The following KCNIP1 variants were observed in gnomAD, a reference collection of about 807,000 sequenced individuals.
KCNIP1 encodes the protein A-type potassium channel modulatory protein KCNIP1.
A neutral mutation model predicts 33.0 loss-of-function variants in KCNIP1; 18 were observed. The ratio of observed to expected loss-of-function variants is 0.55; its 90% CI spans 0.38 to 0.81. The LOEUF (loss-of-function observed/expected upper bound fraction) is 0.81. Ranked by LOEUF, KCNIP1 falls within the 30% of genes least tolerant of loss-of-function variation. The pLI, the probability that KCNIP1 is intolerant of heterozygous loss-of-function variation, is 0.00. For synonymous variants in KCNIP1, 93 were observed against 98.3 expected (o/e 0.95, Z 0.32); for missense variants, 238 against 271.6 (o/e 0.88, Z 0.87).
chr5:170,641,529 G>A (rs936166995), intron 1 of KCNIP1, among the ~76,000 whole-genome samples: 7 of 152,338 alleles, frequency 4.6e-5, no homozygotes, highest in East Asian at 1.9e-4. Flanking sequence ...AGCAAAAGCC[G>A]CCACAGTAAG....
chr5:170,479,668 T>C (rs1042247861), intron 1 of KCNIP1, among the ~76,000 whole-genome samples: 1 of 152,184 alleles, frequency 6.6e-6, no homozygotes, highest in African/African-American at 2.4e-5. Context: ...ATAAGGGTAA[T>C]ACCGAGTTGT....
intron 1 of KCNIP1, among the ~76,000 whole-genome samples, chr5:170,707,260 A>C (rs1269824834): frequency 6.6e-6 from 1 of 152,116 alleles, no homozygotes; most frequent in Non-Finnish European, 1.5e-5. Context: ...GAGCTGCTGC[A>C]ATGAAACTGA....
intron 1 of KCNIP1, among the ~76,000 whole-genome samples, chr5:170,384,306 G>A (rs1481958365): frequency 6.6e-6 from 1 of 152,246 alleles, no homozygotes; most frequent in African/African-American, 2.4e-5. Flanking sequence ...GAAAGGTCAA[G>A]TGACTTTGCT....
chr5:170,702,894 G>A (rs948006554), intron 1 of KCNIP1, among the ~76,000 whole-genome samples: 1 of 150,210 alleles, frequency 6.7e-6, no homozygotes, highest in Non-Finnish European at 1.5e-5. Flanking sequence ...TCTGCAAATA[G>A]GCAGTGCTCA....
At chr5:170,515,972 A>G (rs1755104979) in intron 1 of KCNIP1, among the ~76,000 whole-genome samples, 1 of 152,216 alleles carries the variant, frequency 6.6e-6, no homozygotes, top group Admixed American at 6.5e-5. Flanking sequence ...AGGATAAGCA[A>G]AGTCACAGAG....
intron 1 of KCNIP1, among the ~76,000 whole-genome samples, chr5:170,401,311 G>C (rs992600473): frequency 3.3e-5 from 5 of 152,110 alleles, no homozygotes; most frequent in Non-Finnish European, 5.9e-5. Context: ...TAATAAGATT[G>C]CTCCTGCAAA....
At chr5:170,679,397 C>T (rs71605771) in intron 1 of KCNIP1, 25,020 of 152,172 alleles carry the variant, frequency 0.16, 2,161 homozygotes, top group South Asian at 0.2. Flanking sequence ...AAGATTTTCC[C>T]GAGTCTCAAT....
At chr5:170,639,597 G>A (rs1411850981) in intron 1 of KCNIP1, 2 of 152,192 alleles carry the variant, frequency 1.3e-5, no homozygotes, top group Non-Finnish European at 2.9e-5. Context: ...GTTGTTCCTT[G>A]TAATACAGGT....
chr5:170,581,862 G>A (rs558792060), intron 1 of KCNIP1, among the ~76,000 whole-genome samples: 3 of 152,230 alleles, frequency 2.0e-5, no homozygotes, highest in African/African-American at 7.2e-5. Flanking sequence ...TCTGCATCTG[G>A]TGTGGACCTC....
chr5:170,515,626 C>A (rs1380028699), intron 1 of KCNIP1, among the ~76,000 whole-genome samples: 2 of 152,200 alleles, frequency 1.3e-5, no homozygotes, highest in Non-Finnish European at 2.9e-5. Flanking sequence ...TTACTAGACC[C>A]TTTCCAGATG....
At chr5:170,652,498 A>AAAAAGAAGG (rs33995162) in intron 1 of KCNIP1, among the ~76,000 whole-genome samples, 2 of 103,056 alleles carry the variant, frequency 1.9e-5, no homozygotes, top group Non-Finnish European at 3.6e-5. Context: ...AAAAAAAAAA[A>AAAAAGAAGG]AAGGAAGGAA....
chr5:170,629,211 T>C (rs948830676), intron 1 of KCNIP1, among the ~76,000 whole-genome samples: 1 of 152,164 alleles, frequency 6.6e-6, no homozygotes, highest in Non-Finnish European at 1.5e-5. Flanking sequence ...GACAGAGATG[T>C]AGGGGGCTGT....
rs183668441 is a variant in KCNIP1, at chr5:170,623,622, G to A, written c.62-95136G>A. On this transcript the variant is annotated intron_variant, in intron 1 of 7. Transcript: ENST00000328939. ...CTCTCCCCTCAGACGAAACCGATGC[G>A]AAAAGTGCTTCATGAAGTTTCAGGT... Among the ~76,000 whole-genome samples the A allele has an allele frequency of 1.0e-3, 159 of 152,238 alleles. 2 individuals are homozygous for A. Among genetic ancestry groups the A allele is most frequent in the Non-Finnish European group, 1.4e-3 (94 of 68,032 alleles).
chr5:170,663,282 T>C (rs1761568590), intron 1 of KCNIP1, among the ~76,000 whole-genome samples: 4 of 152,186 alleles, frequency 2.6e-5, no homozygotes, highest in Admixed American at 2.0e-4. Flanking sequence ...TCCCAGCCTT[T>C]AAATCATCCC....
chr5:170,614,244 G>A (rs13157091), intron 1 of KCNIP1, among the ~76,000 whole-genome samples: 1 of 152,170 alleles, frequency 6.6e-6, no homozygotes, highest in South Asian at 2.1e-4. Context: ...CTACTGGTCC[G>A]GGTTGGGAGA....
chr5:170,446,960 C>T (rs1756131090), intron 1 of KCNIP1, among the ~76,000 whole-genome samples: 1 of 152,246 alleles, frequency 6.6e-6, no homozygotes, highest in African/African-American at 2.4e-5. Context: ...GGTGTTCCTG[C>T]ATTAAGCAAT....
At chr5:170,468,771 G>C (rs1756662196) in intron 1 of KCNIP1, among the ~76,000 whole-genome samples, 1 of 151,996 alleles carries the variant, frequency 6.6e-6, no homozygotes, top group Admixed American at 6.5e-5. Context: ...CCGCTACTTA[G>C]GAGACTGAGA....
chr5:170,697,341 G>A (rs953181345), intron 1 of KCNIP1, among the ~76,000 whole-genome samples: 1 of 152,182 alleles, frequency 6.6e-6, no homozygotes, highest in Non-Finnish European at 1.5e-5. Context: ...CTGGGAACAA[G>A]GACCACACCT....
At chr5:170,606,156 C>T (rs1460118355) in intron 1 of KCNIP1, among the ~76,000 whole-genome samples, 3 of 152,130 alleles carry the variant, frequency 2.0e-5, no homozygotes, top group Non-Finnish European at 4.4e-5. Context: ...GTTGATGAAC[C>T]TTTGGATTGT....
Sources: gnomAD v4.1 joint callset for allele counts (sites outside exome capture counted in the v4.1 genomes callset) on GRCh38, gnomAD v4.1.1 for gene constraint, MANE v1.5 for transcripts, NCBI Gene and HGNC (gene_info 2026-07-23, HGNC 2026-07-21) for gene names.